SEPTIN2: variants seen among roughly 807,000 people sequenced by gnomAD.
SEPTIN2 encodes the protein septin 2.
SEPTIN2 carries 34 observed loss-of-function variants against 46.5 expected under a neutral mutation model. The ratio of observed to expected loss-of-function variants is 0.73; its 90% CI spans 0.56 to 0.97. SEPTIN2 has a LOEUF of 0.97. Among genes scored for constraint, SEPTIN2 ranks in the 50% least tolerant of loss-of-function variants. The pLI, the probability that SEPTIN2 is intolerant of heterozygous loss-of-function variation, is 0.00. For synonymous variants in SEPTIN2, 175 were observed against 153.4 expected, an observed-to-expected ratio of 1.14 and a Z score of -1.04; for missense variants, 347 against 448.4, an observed-to-expected ratio of 0.77 and a Z score of 2.04.
chr2:241,338,457 C>A (rs2080400536), intron 7 of SEPTIN2, among the ~76,000 whole-genome samples: 1 of 150,756 alleles, frequency 6.6e-6, no homozygotes, highest in South Asian at 2.1e-4. Flanking sequence ...AATGAACATA[C>A]CGATCTGTGC....
At chr2:241,321,538 G>T (rs1479941100) in intron 1 of SEPTIN2, among the ~76,000 whole-genome samples, 2 of 151,524 alleles carry the variant, frequency 1.3e-5, no homozygotes, top group African/African-American at 4.8e-5. Flanking sequence ...TTTGCTTTAA[G>T]CATATACGTT....
chr2:241,351,899 T>G (rs2060824359), intron 12 of SEPTIN2, 68 bp from the exon 13 acceptor site: 1 of 152,552 alleles, frequency 6.6e-6, no homozygotes, highest in Non-Finnish European at 1.5e-5. Flanking sequence ...AAAGTAGAAC[T>G]GTTAATAATT....
chr2:241,348,048 TTTA>T (rs1180332569), intron 10 of SEPTIN2, 83 bp from the exon 11 acceptor site: 33 of 1,049,080 alleles, frequency 3.1e-5, no homozygotes, highest in Non-Finnish European at 4.6e-5. Flanking sequence ...TACATGTCAT[TTTA>T]AATTTTAAAG....
intron 2 of SEPTIN2, chr2:241,324,586 C>T (rs186394631): frequency 1.6e-5 from 6 of 372,902 alleles, no homozygotes; most frequent in Admixed American, 7.6e-5. Flanking sequence ...GGGGTTTCAC[C>T]GTGTTGGCCA....
At chr2:241,324,263 C>T in intron 2 of SEPTIN2, 22 bp downstream of exon 2, 1 of 1,600,366 alleles carries the variant, frequency 6.2e-7, no homozygotes, top group Non-Finnish European at 8.5e-7. Flanking sequence ...CTTCATGTAT[C>T]TACAGCATAA....
chr2:241,329,733 G>C (rs1389919149), intron 3 of SEPTIN2, among the ~76,000 whole-genome samples: 2 of 152,168 alleles, frequency 1.3e-5, no homozygotes, highest in Non-Finnish European at 2.9e-5. Flanking sequence ...TCCACTGGCT[G>C]GAACGGTACC....
chr2:241,341,652 C>G lies in SEPTIN2; in HGVS notation c.595-1340C>G, dbSNP rs534979163. Among the ~76,000 whole-genome samples the G allele has an allele frequency of 3.3e-5, 5 of 152,288 alleles. No individual in the cohort carries two copies. In the East Asian group the frequency reaches 9.6e-4, roughly 29 times the overall value. ...GAGTAAAGGATGTAGAGAGGAGGGCCTTTTCTGGAGTTCTGAATTAGTGCA... is the reference window on the plus strand; with the variant it reads ...GAGTAAAGGATGTAGAGAGGAGGGCGTTTTCTGGAGTTCTGAATTAGTGCA... On this transcript the variant is annotated intron_variant, in intron 7 of 12. Transcript: ENST00000391971.
chr2:241,324,658 T>A, intron 2 of SEPTIN2: 1 of 275,540 alleles, frequency 3.6e-6, no homozygotes, highest in South Asian at 3.2e-5. Flanking sequence ...GTGTTGGGAT[T>A]ACAGGTGTGA....
At chr2:241,316,751 C>T (rs944017641) in intron 1 of SEPTIN2, 2 of 431,036 alleles carry the variant, frequency 4.6e-6, no homozygotes, top group East Asian at 3.6e-5. Context: ...CTTGTCCTCT[C>T]TCCACGGAAA....
At chr2:241,316,473 G>T in intron 1 of SEPTIN2, 1 of 1,497,024 alleles carries the variant, frequency 6.7e-7, no homozygotes, top group Non-Finnish European at 8.9e-7. Flanking sequence ...GCTGGATGCC[G>T]TGGATAAGCG....
chr2:241,346,820 ACT>A (rs2060285086), intron 10 of SEPTIN2, among the ~76,000 whole-genome samples: 1 of 152,008 alleles, frequency 6.6e-6, no homozygotes. Flanking sequence ...CAAAAGCATC[ACT>A]CTGTACGTGA....
chr2:241,321,368 A>G (rs2077095547), intron 1 of SEPTIN2, among the ~76,000 whole-genome samples: 1 of 152,012 alleles, frequency 6.6e-6, no homozygotes, highest in Non-Finnish European at 1.5e-5. Context: ...TCTTCCCTAT[A>G]AATTGTTTCT....
intron 1 of SEPTIN2, among the ~76,000 whole-genome samples, chr2:241,318,702 CT>C (rs1284874061): frequency 0.027 from 3,539 of 132,368 alleles, 58 homozygotes; most frequent in African/African-American, 0.069. Context: ...TTTGTATTTT[CT>C]TTTTTTTTTT....
intron 1 of SEPTIN2, chr2:241,317,384 A>G: frequency 4.8e-6 from 1 of 206,886 alleles, no homozygotes; most frequent in Non-Finnish European, 8.5e-6. Flanking sequence ...TAATTAGATC[A>G]GATTTACATT....
At position 241,353,831 on chromosome 2, in the gene SEPTIN2, ACTGCTACACTT is replaced by A. The variant is rs1192195405; in HGVS notation, c.*1898_*1908del. 6.5e-6 allele frequency: 1 copy of A among 153,352 alleles called. No homozygotes were observed. Among genetic ancestry groups the A allele is most frequent in the African/African-American group, 2.4e-5 (1 of 41,470 alleles). 9.5% of individuals were successfully genotyped at this position (153,352 alleles called of 1,614,324 possible). ...AGCTATGCAGGGAGGGAGGACCCAC[ACTGCTACACTT>A]CTGATCCCCTTTGGTTTTACTACCC... On this transcript the variant is annotated 3_prime_UTR_variant, in exon 13 of 13. Transcript: ENST00000391971.
intron 12 of SEPTIN2, chr2:241,351,720 A>T (rs577510911): frequency 6.6e-6 from 1 of 152,302 alleles, no homozygotes; most frequent in Non-Finnish European, 1.5e-5. Context: ...TTCAACCTTT[A>T]TGGAATGAAA....
In SEPTIN2 at chr2:241,350,164, A is replaced by G; in HGVS notation, c.1076A>G (p.His359Arg). Reference protein sequence around the residue: ...GGDGDGGALGHHV With the variant: ...GGDGDGGALGRHV ...GATGGCGATGGCGGGGCTCTCGGGC[A>G]CCACGTGTAAGGTGATGTGCACATA... The change falls in exon 12 of 13, where the codon CAC becomes CGC. Residue 359 changes from histidine to arginine, a missense_variant. Coordinates refer to ENST00000391971, the MANE Select transcript of SEPTIN2 (RefSeq NM_004404.5). 1.2e-6 allele frequency: 2 copies of G among 1,612,620 alleles called. No individual in the cohort carries two copies. Among genetic ancestry groups the G allele is most frequent in the Non-Finnish European group, 1.7e-6 (2 of 1,179,152 alleles).
chr2:241,344,016 T>C, intron 9 of SEPTIN2, 119 bp downstream of exon 9: 1 of 1,222,638 alleles, frequency 8.2e-7, no homozygotes, highest in Non-Finnish European at 1.2e-6. Flanking sequence ...CCGCCCTCAG[T>C]GTTTCTCACA....
Position 241,343,871 on chromosome 2 carries a change from C to T in SEPTIN2, c.816C>T (p.Asp272=). 1.2e-6 allele frequency: 2 copies of T among 1,614,216 alleles called. No individual in the cohort carries two copies. The highest frequency in any genetic ancestry group is 1.7e-6 in the Non-Finnish European group (2 of 1,180,022). ...AAGTGGAGAACCCAGAGCACAATGACTTTCTGAAGCTGAGAACCATGCTCA... is the reference window on the plus strand; with the variant it reads ...AAGTGGAGAACCCAGAGCACAATGATTTTCTGAAGCTGAGAACCATGCTCA... ...VVEVENPEHN[D]FLKLRTMLIT... Residue 272 remains aspartate, a synonymous_variant, in exon 9 of 13, where the codon GAC becomes GAT. Transcript: ENST00000391971.
Sources: gnomAD v4.1 joint callset for allele counts (sites outside exome capture counted in the v4.1 genomes callset) on GRCh38, gnomAD v4.1.1 for gene constraint, MANE v1.5 for transcripts, NCBI Gene and HGNC (gene_info 2026-07-23, HGNC 2026-07-21) for gene names.